RASGRF2: variants seen among roughly 807,000 people sequenced by gnomAD.
The protein encoded by RASGRF2 is Ras protein specific guanine nucleotide releasing factor 2.
RASGRF2 carries 76 observed loss-of-function variants against 151.0 expected under a neutral mutation model. That is an observed-to-expected ratio of 0.50 (90% CI 0.42 to 0.61). The LOEUF is 0.61. Among genes scored for constraint, RASGRF2 ranks in the 20% least tolerant of loss-of-function variants. The pLI is 0.00. For missense variants in RASGRF2, 1,148 were observed against 1,564.6 expected, an observed-to-expected ratio of 0.73 and a Z score of 4.49; for synonymous variants, 504 against 566.5, an observed-to-expected ratio of 0.89 and a Z score of 1.57.
chr5:81,212,661 A>G (rs1321344565), intron 23 of RASGRF2, 98 bp downstream of exon 23: 3 of 1,192,124 alleles, frequency 2.5e-6, no homozygotes, highest in Non-Finnish European at 3.4e-6. Context: ...TCATTAACTG[A>G]AATGAGCCGC....
intron 17 of RASGRF2, among the ~76,000 whole-genome samples, chr5:81,149,882 G>A (rs945185731): frequency 6.6e-6 from 1 of 152,186 alleles, no homozygotes; most frequent in Admixed American, 6.5e-5. Flanking sequence ...GCTGCCTACT[G>A]TAGAAAGAGT....
chr5:81,120,204 T>C (rs1753268276), intron 15 of RASGRF2, among the ~76,000 whole-genome samples: 1 of 152,214 alleles, frequency 6.6e-6, no homozygotes, highest in Non-Finnish European at 1.5e-5. Context: ...AATTTCTTTT[T>C]AATGCATTTA....
At chr5:81,021,248 A>C (rs1448921525) in intron 1 of RASGRF2, among the ~76,000 whole-genome samples, 1 of 152,242 alleles carries the variant, frequency 6.6e-6, no homozygotes, top group African/African-American at 2.4e-5. Flanking sequence ...TTTAGAAAGA[A>C]AACCCTGGCT....
At chr5:81,129,477 A>G (rs930978978) in intron 17 of RASGRF2, among the ~76,000 whole-genome samples, 3 of 152,200 alleles carry the variant, frequency 2.0e-5, no homozygotes, top group Non-Finnish European at 4.4e-5. Context: ...AACATTTTGC[A>G]AATTGACCAC....
At chr5:81,201,032 G>A (rs908321300) in intron 18 of RASGRF2, among the ~76,000 whole-genome samples, 15 of 152,090 alleles carry the variant, frequency 9.9e-5, no homozygotes, top group African/African-American at 3.4e-4. Flanking sequence ...CCAGGGCCTC[G>A]TAAGCTCTGT....
chr5:81,102,833 C>T (rs913199083), intron 12 of RASGRF2, among the ~76,000 whole-genome samples: 6 of 152,032 alleles, frequency 3.9e-5, no homozygotes, highest in South Asian at 4.1e-4. Flanking sequence ...GCTTGCAGCC[C>T]GAAACACAAA....
chr5:81,216,388 C>CACACACACACAA (rs1755740304), intron 24 of RASGRF2, among the ~76,000 whole-genome samples: 1 of 146,760 alleles, frequency 6.8e-6, no homozygotes. Context: ...CACACACAAA[C>CACACACACACAA]ACACACACAC....
chr5:81,165,826 T>C (rs1238734429), intron 17 of RASGRF2, among the ~76,000 whole-genome samples: 3 of 78,934 alleles, frequency 3.8e-5, no homozygotes, highest in Non-Finnish European at 5.5e-5. Flanking sequence ...CCAACTAGCC[T>C]GGAGCTAACT....
At chr5:81,085,774 G>A in intron 7 of RASGRF2, 28 bp from the exon 8 acceptor site, 2 of 1,613,570 alleles carry the variant, frequency 1.2e-6, no homozygotes, top group Non-Finnish European at 8.5e-7. Context: ...CTGATGTCTT[G>A]CTCATACTGG....
chr5:81,026,217 C>T (rs913378860), intron 1 of RASGRF2, among the ~76,000 whole-genome samples: 5 of 149,998 alleles, frequency 3.3e-5, no homozygotes, highest in African/African-American at 1.2e-4. Flanking sequence ...TTCCTCCTAT[C>T]TTCCTTTTTT....
chr5:81,005,580 T>C (rs1749242766), intron 1 of RASGRF2, among the ~76,000 whole-genome samples: 1 of 152,174 alleles, frequency 6.6e-6, no homozygotes, highest in Non-Finnish European at 1.5e-5. Flanking sequence ...TTCACTCCTT[T>C]TCATGGAGAA....
chr5:81,225,820 A>G lies in RASGRF2; in HGVS notation c.*50A>G. ...ACGGGATGTTCATGGAAAGCAGGAC[A>G]GACAGAATTGTGTATGCCTTGCCTA... On this transcript the variant is annotated 3_prime_UTR_variant, in exon 27 of 27. Transcript: ENST00000265080. The G allele has an allele frequency of 2.5e-6, 4 of 1,590,588 alleles. No individual in the cohort carries two copies. The highest frequency in any genetic ancestry group is 3.4e-6 in the Non-Finnish European group (4 of 1,170,296).
chr5:81,064,902 A>G (rs1259695395), intron 2 of RASGRF2, among the ~76,000 whole-genome samples: 3 of 152,188 alleles, frequency 2.0e-5, no homozygotes, highest in African/African-American at 7.2e-5. Context: ...ACAGTCTTAA[A>G]TCAGTTAATA....
chr5:81,159,259 G>T (rs1411633459), intron 17 of RASGRF2, among the ~76,000 whole-genome samples: 1 of 152,132 alleles, frequency 6.6e-6, no homozygotes, highest in Non-Finnish European at 1.5e-5. Context: ...TTTTTTAAAG[G>T]GTCAGGTAGT....
chr5:81,108,866 GTGTGTGTGTGTGTGTA>G, intron 12 of RASGRF2, 114 bp from the exon 13 acceptor site: 1 of 1,177,140 alleles, frequency 8.5e-7, no homozygotes, highest in Non-Finnish European at 1.2e-6. Flanking sequence ...GTGTGTGTGT[GTGTGTGTGTGTGTGTA>G]AGAGACAGGG....
At chr5:81,045,172 C>T (rs1288151504) in intron 2 of RASGRF2, among the ~76,000 whole-genome samples, 1 of 152,146 alleles carries the variant, frequency 6.6e-6, no homozygotes, top group Non-Finnish European at 1.5e-5. Context: ...AAGGTAGAGC[C>T]CTTGGGTCAT....
chr5:81,095,481 G>GA, intron 12 of RASGRF2, among the ~76,000 whole-genome samples: 1 of 141,648 alleles, frequency 7.1e-6, no homozygotes, highest in Non-Finnish European at 1.6e-5. Flanking sequence ...AAAAAATTAG[G>GA]GACAGAATTT....
chr5:81,094,743 G>A (rs1298025055), intron 11 of RASGRF2, 113 bp from the exon 12 acceptor site: 2 of 1,178,068 alleles, frequency 1.7e-6, no homozygotes, highest in African/African-American at 1.6e-5. Context: ...TTGCTGAAAT[G>A]AGAGTCCCGA....
intron 12 of RASGRF2, among the ~76,000 whole-genome samples, chr5:81,095,735 T>C (rs1168170903): frequency 6.6e-6 from 1 of 152,202 alleles, no homozygotes; most frequent in Non-Finnish European, 1.5e-5. Context: ...AAGGTATATA[T>C]TGTAGTTTTC....
Sources: gnomAD v4.1 joint callset for allele counts (sites outside exome capture counted in the v4.1 genomes callset) on GRCh38, gnomAD v4.1.1 for gene constraint, MANE v1.5 for transcripts, NCBI Gene and HGNC (gene_info 2026-07-23, HGNC 2026-07-21) for gene names.